ZFYVE27: variants seen among roughly 807,000 people sequenced by gnomAD.
ZFYVE27 encodes zinc finger FYVE-type containing 27, also known as protrudin.
ZFYVE27 carries 36 observed loss-of-function variants against 52.8 expected under a neutral mutation model. That is an observed-to-expected ratio of 0.68 (90% CI 0.52 to 0.90). ZFYVE27 has a LOEUF of 0.90. Ranked by LOEUF, ZFYVE27 falls within the 40% of genes least tolerant of loss-of-function variation. The probability of loss-of-function intolerance (pLI) is 0.00; values close to 1 mark genes in which losing one functional copy is unlikely to be tolerated. For missense variants in ZFYVE27, 450 were observed against 527.2 expected, an observed-to-expected ratio of 0.85 and a Z score of 1.43; for synonymous variants, 223 against 215.6, an observed-to-expected ratio of 1.03 and a Z score of -0.30.
intron 4 of ZFYVE27, among the ~76,000 whole-genome samples, chr10:97,746,049 A>ATT (rs1275541653): frequency 5.7e-4 from 20 of 35,240 alleles, no homozygotes; most frequent in East Asian, 1.4e-3. Context: ...ATATATATAT[A>ATT]TATTTTTTTT....
At chr10:97,738,958 C>T (rs994275761) in intron 2 of ZFYVE27, 69 of 438,520 alleles carry the variant, frequency 1.6e-4, no homozygotes, top group East Asian at 4.5e-4. Context: ...TTGAACATCA[C>T]GCCTTCTACA....
At chr10:97,741,213 A>G (rs1361052544) in intron 2 of ZFYVE27, among the ~76,000 whole-genome samples, 2 of 152,186 alleles carry the variant, frequency 1.3e-5, no homozygotes, top group Non-Finnish European at 2.9e-5. Context: ...GCGATTCCTC[A>G]AGGATCTGGA....
Position 97,754,170 on chromosome 10 carries a change from A to G in ZFYVE27, c.1042+988A>G, listed in dbSNP as rs569511448. On this transcript the variant is annotated intron_variant, in intron 10 of 12. Coordinates refer to ENST00000684270, the MANE Select transcript of ZFYVE27 (RefSeq NM_001385875.1). The stretch of plus-strand genomic sequence containing the variant: ...GCCCTGGAAGAAGACAATGGAGTTT[A>G]TCTTGAGGAATTTGACTCAGGGCCC... Among the ~76,000 whole-genome samples the G allele has an allele frequency of 9.2e-5, 14 of 152,174 alleles. No homozygotes were observed. In the South Asian group the frequency reaches 2.1e-3, roughly 23 times the overall value.
At chr10:97,752,469 A>G (rs2047239402) in intron 8 of ZFYVE27, among the ~76,000 whole-genome samples, 1 of 152,186 alleles carries the variant, frequency 6.6e-6, no homozygotes, top group Admixed American at 6.5e-5. Flanking sequence ...ATTTTTGTTC[A>G]TGACCCATAG....
intron 4 of ZFYVE27, among the ~76,000 whole-genome samples, chr10:97,747,472 A>G (rs183047664): frequency 1.2e-3 from 189 of 152,288 alleles, no homozygotes; most frequent in Middle Eastern, 3.4e-3. Context: ...ATGATCTTCT[A>G]ATTATTCTAT....
At chr10:97,740,225 T>C (rs1266693030) in intron 2 of ZFYVE27, among the ~76,000 whole-genome samples, 2 of 152,182 alleles carry the variant, frequency 1.3e-5, no homozygotes, top group Non-Finnish European at 2.9e-5. Context: ...CTGGAAATAG[T>C]GGATGTTTTG....
At chr10:97,743,577 C>A (rs1217056261) in intron 3 of ZFYVE27, among the ~76,000 whole-genome samples, 1 of 152,162 alleles carries the variant, frequency 6.6e-6, no homozygotes, top group Non-Finnish European at 1.5e-5. Flanking sequence ...GACCTTTTTC[C>A]ATTTTGGTTT....
chr10:97,749,635 C>T lies in ZFYVE27; in HGVS notation c.664+49C>T, dbSNP rs1469515318. 5 of 1,441,472 alleles carry T rather than the reference C, an allele frequency of 3.5e-6. No homozygotes were observed. In the South Asian group the frequency reaches 5.7e-5, roughly 16 times the overall value. The allele number at this position is 1,441,472 out of a possible 1,614,324, so 89.3% of individuals were successfully genotyped here. A position where few individuals can be genotyped will look rare whatever the true frequency, so the allele number is the denominator to read the frequency against. ...ATGGGGCCCAAGCTGGCTCTGAGGG[C>T]TAGGCTAGGCTCCCCAGTTCTTCTG... On this transcript the variant is annotated intron_variant, in intron 6 of 12. Transcript: ENST00000684270.
chr10:97,751,127 T>C (rs2046868566), intron 7 of ZFYVE27, among the ~76,000 whole-genome samples: 2 of 152,192 alleles, frequency 1.3e-5, no homozygotes, highest in Non-Finnish European at 2.9e-5. Context: ...GGGCTGGGTC[T>C]AAGACCCCAG....
At chr10:97,750,579 C>A in intron 7 of ZFYVE27, 109 bp downstream of exon 7, 1 of 1,453,708 alleles carries the variant, frequency 6.9e-7, no homozygotes, top group Non-Finnish European at 9.4e-7. Context: ...CTGCTATTTC[C>A]CAGGCCTTAA....
chr10:97,759,550 C>T lies in ZFYVE27; in HGVS notation c.*250C>T, dbSNP rs1484576503. ...CCCTGGAGGGCCTGGCATGTTTGTC[C>T]TGCTCTGCCTGGGACTGAGCGAGTG... On this transcript the variant is annotated 3_prime_UTR_variant, in exon 13 of 13. Coordinates refer to ENST00000684270, the MANE Select transcript of ZFYVE27 (RefSeq NM_001385875.1). 7.0e-6 allele frequency: 4 copies of T among 573,588 alleles called. No homozygotes were observed. Among genetic ancestry groups the T allele is most frequent in the Admixed American group, 5.2e-5 (2 of 38,728 alleles). 35.5% of individuals were successfully genotyped at this position (573,588 alleles called of 1,614,324 possible). A position where few individuals can be genotyped will look rare whatever the true frequency, so the allele number is the denominator to read the frequency against.
At chr10:97,739,997 A>G (rs949445151) in intron 2 of ZFYVE27, among the ~76,000 whole-genome samples, 3 of 151,232 alleles carry the variant, frequency 2.0e-5, no homozygotes, top group Non-Finnish European at 4.4e-5. Flanking sequence ...CTTGGAGCCT[A>G]TGGGTGAGTT....
chr10:97,745,973 G>A (rs1385611981), intron 4 of ZFYVE27, among the ~76,000 whole-genome samples: 1 of 149,272 alleles, frequency 6.7e-6, no homozygotes, highest in Non-Finnish European at 1.5e-5. Context: ...GCCTGGATAT[G>A]TAGTTTTTTT....
chr10:97,759,182 C>T (rs773919785), intron 12 of ZFYVE27, 54 bp from the exon 13 acceptor site: 9 of 1,601,190 alleles, frequency 5.6e-6, no homozygotes, highest in Non-Finnish European at 7.7e-6. Context: ...GTAGTTGGGG[C>T]CATGAACCAA....
Position 97,752,876 on chromosome 10 carries a change from T to C in ZFYVE27, c.896T>C (p.Leu299Pro). The C allele has an allele frequency of 1.3e-6, 2 of 1,581,162 alleles. No individual in the cohort carries two copies. The highest frequency in any genetic ancestry group is 2.7e-5 in the African/African-American group (2 of 73,210). The change falls in exon 9 of 13, where the codon CTG becomes CCG. Residue 299 changes from leucine (L) to proline (P), a missense_variant and splice_region_variant. Coordinates refer to ENST00000684270, the MANE Select transcript of ZFYVE27 (RefSeq NM_001385875.1). ...DAIEETHLVV[L>P]EDDEGAPCPA... ...AGGCAGGAGACCCACTTGGTGGTGCTGGTAAGTGGAAGCCTTGGTGGGTGG... is the reference window on the plus strand; with the variant it reads ...AGGCAGGAGACCCACTTGGTGGTGCCGGTAAGTGGAAGCCTTGGTGGGTGG...
chr10:97,746,892 TCTTGCCCAGGCTGGC>T (rs1486921293), intron 4 of ZFYVE27, among the ~76,000 whole-genome samples: 1 of 152,012 alleles, frequency 6.6e-6, no homozygotes, highest in East Asian at 1.9e-4. Context: ...GGTCTCATTG[TCTTGCCCAGGCTGGC>T]CTTGAATTCC....
At chr10:97,748,511 A>G (rs547275578) in intron 5 of ZFYVE27, 147 bp downstream of exon 5, 39 of 723,686 alleles carry the variant, frequency 5.4e-5, no homozygotes, top group African/African-American at 5.2e-4. Context: ...ATCTGCACAT[A>G]TGCTTGCGGG....
intron 4 of ZFYVE27, among the ~76,000 whole-genome samples, chr10:97,746,159 G>A (rs1228019078): frequency 2.0e-5 from 3 of 150,050 alleles, no homozygotes; most frequent in Non-Finnish European, 3.0e-5. Context: ...GGCGATTCTC[G>A]TGCCTCAGCC....
At chr10:97,743,001 C>A (rs935028665) in intron 2 of ZFYVE27, 93 bp from the exon 3 acceptor site, 24 of 1,375,198 alleles carry the variant, frequency 1.7e-5, no homozygotes, top group South Asian at 8.1e-5. Context: ...CAGGCCTCCT[C>A]TTCTGGTTTG....
Sources: allele counts gnomAD v4.1 joint callset (sites outside exome capture counted in the v4.1 genomes callset), GRCh38; gene constraint gnomAD v4.1.1; transcripts MANE v1.5; gene names NCBI Gene and HGNC (gene_info 2026-07-23, HGNC 2026-07-21).